Variants in RASGRF1 observed in about 807,000 individuals in gnomAD.
RASGRF1 encodes Ras protein specific guanine nucleotide releasing factor 1.
RASGRF1 carries 40 observed loss-of-function variants against 138.7 expected under a neutral mutation model. The ratio of observed to expected loss-of-function variants is 0.29; its 90% CI spans 0.22 to 0.38. The LOEUF (loss-of-function observed/expected upper bound fraction) is 0.38. Among genes scored for constraint, RASGRF1 ranks in the 10% least tolerant of loss-of-function variants. The pLI is 1.00. For missense variants in RASGRF1, 1,108 were observed against 1,650.4 expected (o/e 0.67, Z 5.69); for synonymous variants, 614 against 663.2 (o/e 0.93, Z 1.14).
chr15:79,078,823 GTCT>G (rs1468168545), intron 1 of RASGRF1, among the ~76,000 whole-genome samples: 6 of 152,216 alleles, frequency 3.9e-5, no homozygotes, highest in African/African-American at 1.2e-4. Flanking sequence ...CAGATTCCCA[GTCT>G]TTAAGGCCTA....
chr15:79,025,319 T>G lies in RASGRF1; in HGVS notation c.1537A>C (p.Thr513Pro). The G allele has an allele frequency of 6.2e-7, 1 of 1,607,854 alleles. No individual in the cohort carries two copies. Among genetic ancestry groups the G allele is most frequent in the Non-Finnish European group, 8.5e-7 (1 of 1,175,562 alleles). ...TRGSGGKLHL[T>P]KNGVISLIDC... Reference sequence around the variant, plus strand: ...CCCTCTCCCGTAGCCCTTACCTTGGTCAAGTGAAGCTTCCCTCCAGAGCCT... The same window carrying G: ...CCCTCTCCCGTAGCCCTTACCTTGGGCAAGTGAAGCTTCCCTCCAGAGCCT... The change falls in exon 10 of 27, where the codon ACC becomes CCC. Residue 513 changes from threonine to proline, a missense_variant. Coordinates refer to ENST00000558480, the MANE Select transcript of RASGRF1 (RefSeq NM_001145648.3).
intron 13 of RASGRF1, among the ~76,000 whole-genome samples, chr15:79,009,712 C>G (rs2056753793): frequency 6.6e-6 from 1 of 152,092 alleles, no homozygotes; most frequent in Admixed American, 6.6e-5. Flanking sequence ...TCTGGCAATT[C>G]CAATATTCTT....
At chr15:78,981,647 A>C (rs2056034556) in intron 23 of RASGRF1, 1 of 152,148 alleles carries the variant, frequency 6.6e-6, no homozygotes, top group Non-Finnish European at 1.5e-5. Flanking sequence ...ACAGGAAGAG[A>C]TCTGTGTGTG....
At chr15:79,060,764 T>C (rs772319346) in intron 2 of RASGRF1, among the ~76,000 whole-genome samples, 1 of 152,210 alleles carries the variant, frequency 6.6e-6, no homozygotes, top group African/African-American at 2.4e-5. Flanking sequence ...ATTATTATTA[T>C]TTTATTGGCT....
At chr15:78,980,758 G>A (rs980957600) in intron 23 of RASGRF1, 59 bp from the exon 24 acceptor site, 41 of 1,325,664 alleles carry the variant, frequency 3.1e-5, no homozygotes, top group Middle Eastern at 3.7e-4. Context: ...CCCGAGGCCC[G>A]GGGATCAGGC....
At chr15:79,023,514 A>T (rs2056994732) in intron 10 of RASGRF1, among the ~76,000 whole-genome samples, 2 of 152,348 alleles carry the variant, frequency 1.3e-5, no homozygotes, top group Admixed American at 6.5e-5. Context: ...CCCAGGCCAC[A>T]GGCTTTACAG....
chr15:78,972,736 G>A (rs1286967801), intron 25 of RASGRF1, among the ~76,000 whole-genome samples: 3 of 152,164 alleles, frequency 2.0e-5, no homozygotes, highest in African/African-American at 7.2e-5. Context: ...GAAGTGAGAG[G>A]GGAGAAGGAG....
chr15:78,982,768 CA>C (rs1191084882), intron 23 of RASGRF1, among the ~76,000 whole-genome samples: 1 of 152,100 alleles, frequency 6.6e-6, no homozygotes, highest in African/African-American at 2.4e-5. Flanking sequence ...GATTGTTAGC[CA>C]AGGCGAGGCT....
chr15:79,079,679 A>G (rs2057888604), intron 1 of RASGRF1, among the ~76,000 whole-genome samples: 2 of 152,350 alleles, frequency 1.3e-5, no homozygotes, highest in South Asian at 4.1e-4. Context: ...GAGAATGGAT[A>G]AGAAACTGGT....
chr15:79,064,426 T>C lies in RASGRF1; in HGVS notation c.377A>G (p.His126Arg), dbSNP rs149768971. ...CCTGGGCAAGGAGACATACCTGGCA[T>C]GTGCAATGGCTGCCACCCATTCGTC... ...DCDEWVAAIA[H>R]ASYRTLATEH... Residue 126 changes from histidine to arginine, a missense_variant, in exon 2 of 27, where the codon CAT (histidine) becomes CGT (arginine). This residue lies in a region of RASGRF1 where 253 missense variants were observed against 329.5 expected (regional missense o/e 0.77). Coordinates refer to ENST00000558480, the MANE Select transcript of RASGRF1 (RefSeq NM_001145648.3). 16 of 1,614,046 alleles carry C rather than the reference T, an allele frequency of 9.9e-6. No homozygotes were observed. The African/African-American group carries it at 1.7e-4, about 17-fold the overall frequency.
intron 13 of RASGRF1, among the ~76,000 whole-genome samples, chr15:79,011,531 C>T (rs1180955802): frequency 2.0e-5 from 3 of 152,114 alleles, no homozygotes; most frequent in Non-Finnish European, 4.4e-5. Flanking sequence ...CTATTCTGAC[C>T]CTCTGTGTCC....
intron 4 of RASGRF1, among the ~76,000 whole-genome samples, chr15:79,048,050 C>T (rs143511676): frequency 9.2e-5 from 14 of 152,244 alleles, no homozygotes; most frequent in South Asian, 8.3e-4. Context: ...GAAAATAGAG[C>T]GATGGGAGGT....
intron 26 of RASGRF1, among the ~76,000 whole-genome samples, chr15:78,964,787 A>T (rs2055610686): frequency 6.6e-6 from 1 of 152,166 alleles, no homozygotes; most frequent in Non-Finnish European, 1.5e-5. Flanking sequence ...TAATCTCACC[A>T]CTCTAAAATA....
Position 79,048,664 on chromosome 15 carries a change from G to T in RASGRF1, c.624+832C>A, listed in dbSNP as rs373764276. Among the ~76,000 whole-genome samples the T allele has an allele frequency of 2.6e-5, 4 of 152,214 alleles. No individual in the cohort carries two copies. In the South Asian group the frequency reaches 6.2e-4, roughly 24 times the overall value. The stretch of plus-strand genomic sequence containing the variant: ...GATGTGTTTAGCTTTTAAAGCACTG[G>T]CAACAAATTTTTAAAAATGTAAACC... On this transcript the variant is annotated intron_variant, in intron 4 of 26. Coordinates refer to ENST00000558480, the MANE Select transcript of RASGRF1 (RefSeq NM_001145648.3).
In RASGRF1 at chr15:78,960,864, A is replaced by G. The variant is rs1194198081; in HGVS notation, c.*1280T>C. The G allele has an allele frequency of 2.0e-5, 3 of 152,214 alleles. No homozygotes were observed. Among genetic ancestry groups the G allele is most frequent in the Non-Finnish European group, 4.4e-5 (3 of 68,038 alleles). 9.4% of individuals were successfully genotyped at this position (152,214 alleles called of 1,614,324 possible). A position where few individuals can be genotyped will look rare whatever the true frequency, so the allele number is the denominator to read the frequency against. ...TGGGTAAGGAGCAAGTGCTCATCAA[A>G]TATTCCTTGACTGAACGAATGAAAC... On this transcript the variant is annotated 3_prime_UTR_variant, in exon 27 of 27. Coordinates refer to ENST00000558480, the MANE Select transcript of RASGRF1 (RefSeq NM_001145648.3).
In RASGRF1 at chr15:79,019,441, A is replaced by G. The variant is rs567949988; in HGVS notation, c.1606+600T>C. Among the ~76,000 whole-genome samples the G allele has an allele frequency of 4.0e-5, 6 of 151,880 alleles. No individual in the cohort carries two copies. The East Asian group carries it at 1.2e-3, about 30-fold the overall frequency. On this transcript the variant is annotated intron_variant, in intron 11 of 26. Transcript: ENST00000558480. ...GACTCTGCCCTCCGCACACTTCCCC[A>G]TTCAGCCCCATTTGAGTTGTTCAGC...
intron 19 of RASGRF1, among the ~76,000 whole-genome samples, chr15:78,996,723 TG>T (rs1951140130): frequency 0.02 from 1 of 50 alleles, no homozygotes; most frequent in South Asian, 0.5. Context: ...GAGTGGCGGC[TG>T]TGTGTGTGTG....
intron 5 of RASGRF1, among the ~76,000 whole-genome samples, chr15:79,037,521 C>T (rs1469092767): frequency 2.6e-5 from 4 of 151,858 alleles, no homozygotes; most frequent in South Asian, 2.1e-4. Context: ...TGCCATGGCG[C>T]GATCTCGGCT....
At chr15:79,028,178 C>T (rs1004908364) in intron 8 of RASGRF1, among the ~76,000 whole-genome samples, 1 of 152,208 alleles carries the variant, frequency 6.6e-6, no homozygotes, top group Non-Finnish European at 1.5e-5. Context: ...GTAGAACAGA[C>T]AGCAGGTGCA....
Sources: gnomAD v4.1 joint callset for allele counts (sites outside exome capture counted in the v4.1 genomes callset) on GRCh38, gnomAD v4.1.1 for gene constraint, gnomAD v4.1.1 regional missense constraint, MANE v1.5 for transcripts, NCBI Gene and HGNC (gene_info 2026-07-23, HGNC 2026-07-21) for gene names.